The following PDE4B variants were observed in gnomAD, a reference collection of about 807,000 sequenced individuals.
PDE4B encodes the protein 3',5'-cyclic-AMP phosphodiesterase 4B.
A neutral mutation model predicts 82.2 loss-of-function variants in PDE4B; 20 were observed. The ratio of observed to expected loss-of-function variants is 0.24; its 90% CI spans 0.17 to 0.35. The LOEUF is 0.35. PDE4B is among the 10% of genes least tolerant of loss of function. The pLI, the probability that PDE4B is intolerant of heterozygous loss-of-function variation, is 1.00. For synonymous variants in PDE4B, 320 were observed against 318.9 expected (o/e 1.00, Z -0.04); for missense variants, 655 against 907.2 (o/e 0.72, Z 3.57).
rs953666230 is a variant in PDE4B, at chr1:65,918,668, C to T, written c.114C>T (p.Asp38=). ...YSSSSNTLGI[D]LWRGRRCCSG... is the part of the protein sequence containing the mutation. The stretch of plus-strand genomic sequence containing the variant: ...CTTCCAGTAACACACTTGGGATCGA[C>T]CTCTGGAGAGGGAGAAGGTGTTGCT... Residue 38 remains aspartate (D), a synonymous_variant, in exon 3 of 17, where the codon GAC becomes GAT. Transcript: ENST00000341517. The T allele has an allele frequency of 6.2e-6, 10 of 1,613,698 alleles. No individual in the cohort carries two copies. Among genetic ancestry groups the T allele is most frequent in the Non-Finnish European group, 8.5e-6 (10 of 1,179,726 alleles).
chr1:66,246,745 C>T lies in PDE4B; in HGVS notation c.282-715C>T, dbSNP rs145423058. On this transcript the variant is annotated intron_variant, in intron 3 of 16. Coordinates refer to ENST00000341517, the MANE Select transcript of PDE4B (RefSeq NM_002600.4). Reference sequence around the variant, plus strand: ...GGCACCTTTCTAGAGTGACGAAGACCGATAGGAAACCTCATGACACTCCTC... The same window carrying T: ...GGCACCTTTCTAGAGTGACGAAGACTGATAGGAAACCTCATGACACTCCTC... Among the ~76,000 whole-genome samples the T allele has an allele frequency of 6.4e-4, 98 of 152,284 alleles. 1 individual carries two copies. Among genetic ancestry groups the T allele is most frequent in the African/African-American group, 2.2e-3 (93 of 41,558 alleles).
chr1:66,324,504 G>A (rs1042884954), intron 7 of PDE4B, among the ~76,000 whole-genome samples: 2 of 152,136 alleles, frequency 1.3e-5, no homozygotes, highest in African/African-American at 2.4e-5. Flanking sequence ...AATGAGATAT[G>A]CAAGTGAAAG....
At chr1:65,849,887 T>C (rs1450646197) in intron 1 of PDE4B, among the ~76,000 whole-genome samples, 1 of 152,178 alleles carries the variant, frequency 6.6e-6, no homozygotes, top group Non-Finnish European at 1.5e-5. Context: ...CAGCCAGTTA[T>C]TGCAAATTGG....
chr1:66,192,462 C>G (rs923351666), intron 3 of PDE4B, among the ~76,000 whole-genome samples: 1 of 152,134 alleles, frequency 6.6e-6, no homozygotes, highest in Non-Finnish European at 1.5e-5. Flanking sequence ...ACTGTCCTTA[C>G]TGTTTGCTTG....
chr1:66,034,400 T>A (rs1653958719), intron 3 of PDE4B, among the ~76,000 whole-genome samples: 1 of 152,230 alleles, frequency 6.6e-6, no homozygotes, highest in African/African-American at 2.4e-5. Flanking sequence ...GAAAAAGAAC[T>A]ATCAGTTCTA....
At chr1:66,141,457 AT>A (rs1354851023) in intron 3 of PDE4B, among the ~76,000 whole-genome samples, 1 of 150,730 alleles carries the variant, frequency 6.6e-6, no homozygotes, top group Non-Finnish European at 1.5e-5. Flanking sequence ...TATAGAAGTA[AT>A]TTGTTTATTC....
chr1:65,981,293 A>G (rs1366306271), intron 3 of PDE4B, among the ~76,000 whole-genome samples: 2 of 152,178 alleles, frequency 1.3e-5, no homozygotes, highest in Non-Finnish European at 2.9e-5. Flanking sequence ...AGGTACGTTA[A>G]ACTAATATAC....
At chr1:65,828,522 A>T (rs1485644527) in intron 1 of PDE4B, among the ~76,000 whole-genome samples, 1 of 152,206 alleles carries the variant, frequency 6.6e-6, no homozygotes, top group Non-Finnish European at 1.5e-5. Context: ...CTGGGATTAC[A>T]GGGGTGAGCC....
intron 3 of PDE4B, among the ~76,000 whole-genome samples, chr1:65,929,657 C>G (rs1647719891): frequency 6.6e-6 from 1 of 152,202 alleles, no homozygotes; most frequent in African/African-American, 2.4e-5. Flanking sequence ...TCTTTCATCA[C>G]TTTGTCCACT....
chr1:66,005,032 T>G (rs1652071289), intron 3 of PDE4B, among the ~76,000 whole-genome samples: 1 of 152,108 alleles, frequency 6.6e-6, no homozygotes, highest in South Asian at 2.1e-4. Context: ...AGATAAAGAT[T>G]ACTTTACAGA....
At chr1:66,222,979 A>T (rs944644128) in intron 3 of PDE4B, among the ~76,000 whole-genome samples, 6 of 152,198 alleles carry the variant, frequency 3.9e-5, no homozygotes, top group African/African-American at 7.2e-5. Flanking sequence ...TCTGCTTGTG[A>T]ACTCAGAATA....
chr1:65,866,134 G>A (rs181581885), intron 1 of PDE4B, among the ~76,000 whole-genome samples: 39 of 152,156 alleles, frequency 2.6e-4, no homozygotes, highest in Non-Finnish European at 7.4e-5. Flanking sequence ...GGGAAAGGGA[G>A]GGGTTAATCA....
At chr1:66,204,607 A>T (rs1028238757) in intron 3 of PDE4B, among the ~76,000 whole-genome samples, 2 of 152,172 alleles carry the variant, frequency 1.3e-5, no homozygotes, top group African/African-American at 4.8e-5. Flanking sequence ...CTGCTGTGCT[A>T]GCAATCAACG....
chr1:65,860,868 T>G lies in PDE4B; in HGVS notation c.-70-52377T>G, dbSNP rs141622663. Among the ~76,000 whole-genome samples the G allele has an allele frequency of 2.8e-4, 42 of 152,342 alleles. No individual in the cohort carries two copies. The East Asian group carries it at 7.1e-3, about 26-fold the overall frequency. ...TTCTTTTGAGAAATGTCTGTTCATA[T>G]CCTTCACCCACTTTTTGATGGGGAC... On this transcript the variant is annotated intron_variant, in intron 1 of 16. Coordinates refer to ENST00000341517, the MANE Select transcript of PDE4B (RefSeq NM_002600.4).
At chr1:66,077,360 AT>A (rs1348391646) in intron 3 of PDE4B, among the ~76,000 whole-genome samples, 1 of 152,166 alleles carries the variant, frequency 6.6e-6, no homozygotes, top group Non-Finnish European at 1.5e-5. Flanking sequence ...TGTCAACTTA[AT>A]TTAATTCTCA....
chr1:65,825,724 A>G (rs143635634), intron 1 of PDE4B, among the ~76,000 whole-genome samples: 8 of 151,114 alleles, frequency 5.3e-5, no homozygotes, highest in African/African-American at 1.7e-4. Context: ...CTATCTATCT[A>G]TCTATCTATC....
intron 1 of PDE4B, among the ~76,000 whole-genome samples, chr1:65,801,341 C>T (rs1407594579): frequency 1.3e-5 from 2 of 152,146 alleles, no homozygotes; most frequent in Non-Finnish European, 2.9e-5. Flanking sequence ...ATTGTTTCTT[C>T]CACTATTTTG....
chr1:65,918,718 T>C lies in PDE4B; in HGVS notation c.164T>C (p.Leu55Pro). Residue 55 changes from leucine to proline, a missense_variant, in exon 3 of 17, where the codon CTG becomes CCG. Transcript: ENST00000341517. The part of the protein sequence containing the change: ...CCSGNLQLPP[L>P]SQRQSERART... ...TCAGGAAACTTACAGTTACCACCACTGTCTCAAAGACAGAGTGAAAGGGCA... is the reference window on the plus strand; with the variant it reads ...TCAGGAAACTTACAGTTACCACCACCGTCTCAAAGACAGAGTGAAAGGGCA... 6.2e-7 allele frequency: 1 copy of C among 1,613,568 alleles called. No homozygotes were observed. The highest frequency in any genetic ancestry group is 8.5e-7 in the Non-Finnish European group (1 of 1,179,464).
chr1:65,998,666 A>C (rs1259369734), intron 3 of PDE4B, among the ~76,000 whole-genome samples: 1 of 152,174 alleles, frequency 6.6e-6, no homozygotes, highest in African/African-American at 2.4e-5. Flanking sequence ...GGAGGAAAGC[A>C]TGTGAACTTG....
Sources: gnomAD v4.1 joint callset for allele counts (sites outside exome capture counted in the v4.1 genomes callset) on GRCh38, gnomAD v4.1.1 for gene constraint, MANE v1.5 for transcripts, NCBI Gene and HGNC (gene_info 2026-07-23, HGNC 2026-07-21) for gene names.